Variants in ZNF723 observed in about 807,000 individuals in gnomAD.
ZNF723 encodes the protein zinc finger protein 723, pseudogene.
A neutral mutation model predicts 9.4 loss-of-function variants in ZNF723; 5 were observed. The observed-to-expected ratio is 0.53, with a 90% CI of 0.28 to 1.12. The LOEUF is 1.12. Ranked by LOEUF, ZNF723 falls within the 50% of genes most tolerant of loss-of-function variation. ZNF723 has a pLI of 0.10. For missense variants in ZNF723, 450 were observed against 501.5 expected (o/e 0.90, Z 0.98); for synonymous variants, 158 against 168.8 (o/e 0.94, Z 0.49).
Position 22,858,237 on chromosome 19 carries a change from A to G in ZNF723, c.1346A>G (p.Lys449Arg), listed in dbSNP as rs1035958051. 2.2e-5 allele frequency: 28 copies of G among 1,251,768 alleles called. 1 individual carries two copies. The highest frequency in any genetic ancestry group is 3.1e-5 in the Non-Finnish European group (27 of 870,976). The allele number at this position is 1,251,768 out of a possible 1,614,324, so 77.5% of individuals were successfully genotyped here. A position where few individuals can be genotyped will look rare whatever the true frequency, so the allele number is the denominator to read the frequency against. Reference protein sequence around the residue: ...TLTKHKIIHTKEKPYKCEECG... With the variant: ...TLTKHKIIHTREKPYKCEECG... ...ACTAAACATAAGATAATTCATACTA[A>G]AGAGAAACCCTACAAATGTGAAGAA... is the stretch of plus-strand genomic sequence containing the variant. The change falls in exon 4 of 4, where the codon AAA becomes AGA. Residue 449 changes from lysine to arginine, a missense_variant. Physicochemically the swap from Lys to Arg is conservative, Grantham distance 26. Coordinates refer to ENST00000600766, the MANE Select transcript of ZNF723 (RefSeq NM_001349726.2).
chr19:22,824,769 A>G, the ZNF723 span, among the ~76,000 whole-genome samples: 1 of 152,158 alleles, frequency 6.6e-6, no homozygotes, highest in Admixed American at 6.5e-5. Flanking sequence ...TGCTGTTCAC[A>G]GTTGGAATTG....
Position 22,857,452 on chromosome 19 carries a change from CCTAA to C in ZNF723, c.566_569del (p.Thr189AsnfsTer9), listed in dbSNP as rs1447222616. 1.1e-5 allele frequency: 11 copies of C among 1,009,648 alleles called. No homozygotes were observed. Among genetic ancestry groups the C allele is most frequent in the Admixed American group, 1.8e-5 (1 of 54,616 alleles). The allele number at this position is 1,009,648 out of a possible 1,614,324, so 62.5% of individuals were successfully genotyped here. On this transcript the variant is annotated frameshift_variant, in exon 4 of 4. Coordinates refer to ENST00000600766, the MANE Select transcript of ZNF723 (RefSeq NM_001349726.2). LOFTEE classifies it low-confidence loss of function (END_TRUNC). ...GCAAATCATTTTGCATGCTTTCACA[CCTAA>C]CTAAACATGAAAGAAATCATACTAG...
chr19:22,832,264 A>C (rs1401796909), upstream of ZNF723: 4 of 1,098,742 alleles, frequency 3.6e-6, no homozygotes, highest in Non-Finnish European at 5.2e-6. Flanking sequence ...TAGAGCGGAC[A>C]GGGCGGCTTC....
At chr19:22,853,836 G>A (rs4932795) in intron 3 of ZNF723, among the ~76,000 whole-genome samples, 31,920 of 151,854 alleles carry the variant, frequency 0.21, 3,970 homozygotes, top group African/African-American at 0.35. Context: ...CTGGTCTCGA[G>A]CTCCTAACCT....
intron 1 of ZNF723, among the ~76,000 whole-genome samples, chr19:22,844,609 T>G (rs143690551): frequency 4.7e-4 from 71 of 152,354 alleles, no homozygotes; most frequent in African/African-American, 1.7e-3. Flanking sequence ...TGTAGGCTTA[T>G]TCAGGCACTC....
At chr19:22,845,201 G>T (rs1263554652) in intron 1 of ZNF723, among the ~76,000 whole-genome samples, 1 of 152,154 alleles carries the variant, frequency 6.6e-6, no homozygotes, top group African/African-American at 2.4e-5. Context: ...TTACTGAGTG[G>T]TTTATAAGCT....
At chr19:22,854,293 T>A (rs977844369) in intron 3 of ZNF723, among the ~76,000 whole-genome samples, 6 of 152,126 alleles carry the variant, frequency 3.9e-5, no homozygotes, top group African/African-American at 1.2e-4. Context: ...ATATAGCTTA[T>A]GTAATATTAT....
chr19:22,814,806 C>T, the ZNF723 span, among the ~76,000 whole-genome samples: 1 of 152,096 alleles, frequency 6.6e-6, no homozygotes, highest in Non-Finnish European at 1.5e-5. Flanking sequence ...TGAACTCATA[C>T]CTAGGTGACG....
At chr19:22,814,436 C>A in the ZNF723 span, among the ~76,000 whole-genome samples, 6 of 152,190 alleles carry the variant, frequency 3.9e-5, no homozygotes, top group African/African-American at 1.2e-4. Flanking sequence ...CACACAAAGA[C>A]AGCTGAAAGT....
Position 22,832,322 on chromosome 19 carries a change from A to G in ZNF723, c.-58A>G. 3 of 1,354,708 alleles carry G rather than the reference A, an allele frequency of 2.2e-6. No individual in the cohort carries two copies. Among genetic ancestry groups the G allele is most frequent in the Non-Finnish European group, 3.1e-6 (3 of 966,506 alleles). 83.9% of individuals were successfully genotyped at this position (1,354,708 alleles called of 1,614,324 possible). ...AGTTCCTGGTCTCTGTGGCCTCCTG[A>G]CCTACATGCATTGGGAGATCCACAG... On this transcript the variant is annotated 5_prime_UTR_variant, in exon 1 of 4. Coordinates refer to ENST00000600766, the MANE Select transcript of ZNF723 (RefSeq NM_001349726.2).
chr19:22,837,859 C>A (rs1203717122), intron 1 of ZNF723, among the ~76,000 whole-genome samples: 2 of 152,096 alleles, frequency 1.3e-5, no homozygotes, highest in South Asian at 2.1e-4. Context: ...TTTGGCATAT[C>A]CCTACCCCCA....
chr19:22,836,187 C>A (rs1389964780), intron 1 of ZNF723, among the ~76,000 whole-genome samples: 2 of 152,106 alleles, frequency 1.3e-5, no homozygotes, highest in East Asian at 1.9e-4. Context: ...GATTTCCCAG[C>A]CTGCTCACCC....
upstream of ZNF723, among the ~76,000 whole-genome samples, chr19:22,829,338 T>G (rs1381319712): frequency 6.7e-6 from 1 of 150,038 alleles, no homozygotes; most frequent in Non-Finnish European, 1.5e-5. Context: ...CAGACTGGAG[T>G]GCAGCGGCGA....
chr19:22,852,059 G>A (rs1359294864), intron 3 of ZNF723, among the ~76,000 whole-genome samples: 4 of 152,120 alleles, frequency 2.6e-5, no homozygotes, highest in Admixed American at 2.6e-4. Flanking sequence ...AAAGTGCTGG[G>A]ATTACAGGTG....
chr19:22,813,649 G>A, the ZNF723 span, among the ~76,000 whole-genome samples: 1 of 151,836 alleles, frequency 6.6e-6, no homozygotes, highest in East Asian at 2.0e-4. Context: ...GCTGAGGCAG[G>A]AGAATTGCTT....
intron 1 of ZNF723, 69 bp downstream of exon 1, chr19:22,832,451 G>A: frequency 7.5e-7 from 1 of 1,326,538 alleles, no homozygotes; most frequent in Non-Finnish European, 1.1e-6. Flanking sequence ...AAGTGGCTGT[G>A]GCGGGACTCA....
At chr19:22,843,138 C>T (rs1423199408) in intron 1 of ZNF723, among the ~76,000 whole-genome samples, 1 of 152,166 alleles carries the variant, frequency 6.6e-6, no homozygotes, top group Non-Finnish European at 1.5e-5. Flanking sequence ...TACCTAAGAG[C>T]TGGATAATCA....
At chr19:22,813,217 A>G in the ZNF723 span, among the ~76,000 whole-genome samples, 1 of 152,132 alleles carries the variant, frequency 6.6e-6, no homozygotes, top group African/African-American at 2.4e-5. Flanking sequence ...AAATTTAGAA[A>G]TGGGACATGT....
intron 1 of ZNF723, among the ~76,000 whole-genome samples, chr19:22,842,985 A>C (rs1967268347): frequency 6.6e-6 from 1 of 152,218 alleles, no homozygotes; most frequent in Non-Finnish European, 1.5e-5. Context: ...ACCAGGTATA[A>C]ATAGAATCTG....
Sources: gnomAD v4.1 joint callset for allele counts (sites outside exome capture counted in the v4.1 genomes callset) on GRCh38, gnomAD v4.1.1 for gene constraint, MANE v1.5 for transcripts, NCBI Gene and HGNC (gene_info 2026-07-23, HGNC 2026-07-21) for gene names.